BTBD9: variants seen among roughly 807,000 people sequenced by gnomAD.
BTBD9 encodes the protein BTB/POZ domain-containing protein 9.
A neutral mutation model predicts 64.3 loss-of-function variants in BTBD9; 49 were observed. That is an observed-to-expected ratio of 0.76 (90% CI 0.61 to 0.97). BTBD9 has a LOEUF of 0.97. BTBD9 is among the 50% of genes least tolerant of loss of function. The probability of loss-of-function intolerance (pLI) is 0.00; values close to 1 mark genes in which losing one functional copy is unlikely to be tolerated. For synonymous variants in BTBD9, 260 were observed against 274.7 expected, an observed-to-expected ratio of 0.95 and a Z score of 0.53; for missense variants, 598 against 762.1, an observed-to-expected ratio of 0.78 and a Z score of 2.53.
intron 6 of BTBD9, among the ~76,000 whole-genome samples, chr6:38,573,000 CAT>C (rs970942031): frequency 1.3e-5 from 2 of 151,396 alleles, no homozygotes; most frequent in South Asian, 2.1e-4. Context: ...AGGATAATGT[CAT>C]ATATATATAT....
At chr6:38,403,042 G>GCAACA in intron 6 of BTBD9, 1 of 259,872 alleles carries the variant, frequency 3.8e-6, no homozygotes, top group Non-Finnish European at 7.6e-6. Flanking sequence ...TCCAGCCTGG[G>GCAACA]TGATAGAGTG....
intron 9 of BTBD9, among the ~76,000 whole-genome samples, chr6:38,227,780 G>C (rs1763449629): frequency 6.6e-6 from 1 of 152,234 alleles, no homozygotes; most frequent in South Asian, 2.1e-4. Context: ...CAGGGATCTT[G>C]TGCTCTGATT....
intron 10 of BTBD9, among the ~76,000 whole-genome samples, chr6:38,185,711 A>G (rs1761787163): frequency 6.6e-6 from 1 of 152,114 alleles, no homozygotes; most frequent in South Asian, 2.1e-4. Context: ...CTCAGATAAG[A>G]TTTGTCCCCT....
chr6:38,555,756 C>G (rs1325825548), intron 6 of BTBD9, among the ~76,000 whole-genome samples: 22 of 152,186 alleles, frequency 1.4e-4, no homozygotes, highest in Admixed American at 1.4e-3. Context: ...ATTCACTGGT[C>G]TCATGCTGCC....
intron 9 of BTBD9, among the ~76,000 whole-genome samples, chr6:38,229,484 T>C (rs763311619): frequency 1.2e-4 from 19 of 152,166 alleles, no homozygotes; most frequent in Non-Finnish European, 1.9e-4. Flanking sequence ...GGTCCCCCCA[T>C]GAAACAGTTT....
chr6:38,347,619 C>T (rs1385081152), intron 6 of BTBD9, among the ~76,000 whole-genome samples: 1 of 152,116 alleles, frequency 6.6e-6, no homozygotes. Flanking sequence ...CTGGACCTTC[C>T]CCATATAAAG....
intron 9 of BTBD9, among the ~76,000 whole-genome samples, chr6:38,256,033 T>C (rs992334618): frequency 3.3e-5 from 5 of 151,048 alleles, no homozygotes; most frequent in South Asian, 2.1e-4. Context: ...CAAACCTGCA[T>C]ATTGTGCACA....
intron 6 of BTBD9, among the ~76,000 whole-genome samples, chr6:38,456,076 G>A (rs947617202): frequency 6.6e-5 from 10 of 151,924 alleles, no homozygotes; most frequent in African/African-American, 1.9e-4. Flanking sequence ...CTCTGCCTCC[G>A]GGGATCAATC....
chr6:38,307,777 A>G (rs531283780), intron 7 of BTBD9, among the ~76,000 whole-genome samples: 5 of 152,342 alleles, frequency 3.3e-5, no homozygotes, highest in South Asian at 2.1e-4. Context: ...TTAGCCAGTG[A>G]TAAGAAGAGG....
At chr6:38,434,627 T>C (rs1371834737) in intron 6 of BTBD9, among the ~76,000 whole-genome samples, 1 of 151,992 alleles carries the variant, frequency 6.6e-6, no homozygotes, top group Non-Finnish European at 1.5e-5. Context: ...AGGTCACTCA[T>C]ATTTGGCTCA....
chr6:38,257,865 G>A (rs1380487705), intron 8 of BTBD9, among the ~76,000 whole-genome samples: 1 of 151,976 alleles, frequency 6.6e-6, no homozygotes, highest in African/African-American at 2.4e-5. Context: ...TACTGGAAAA[G>A]TGCTATTTTT....
intron 6 of BTBD9, among the ~76,000 whole-genome samples, chr6:38,570,119 CAG>C (rs967804748): frequency 4.6e-5 from 7 of 152,040 alleles, no homozygotes; most frequent in African/African-American, 1.2e-4. Context: ...CATTTTAAAA[CAG>C]AAAATATCCC....
At chr6:38,402,986 T>G in intron 6 of BTBD9, 1 of 605,300 alleles carries the variant, frequency 1.7e-6, no homozygotes, top group South Asian at 1.9e-5. Context: ...GGTGGGAGAA[T>G]TGCTTAAGCC....
chr6:38,411,498 A>G (rs966620253), intron 6 of BTBD9, among the ~76,000 whole-genome samples: 3 of 152,232 alleles, frequency 2.0e-5, no homozygotes, highest in African/African-American at 7.2e-5. Flanking sequence ...CCATACGGAA[A>G]AAGATAAAAT....
At chr6:38,394,241 A>G (rs1766564527) in intron 6 of BTBD9, among the ~76,000 whole-genome samples, 1 of 152,202 alleles carries the variant, frequency 6.6e-6, no homozygotes, top group African/African-American at 2.4e-5. Context: ...AAGTACTACG[A>G]AAGGAGAAAG....
At chr6:38,324,033 G>T (rs1207586377) in intron 7 of BTBD9, among the ~76,000 whole-genome samples, 2 of 152,178 alleles carry the variant, frequency 1.3e-5, no homozygotes, top group Non-Finnish European at 2.9e-5. Context: ...AGCCCAGGAG[G>T]TGGAGGCTGC....
At chr6:38,332,112 A>C (rs1455238403) in intron 7 of BTBD9, among the ~76,000 whole-genome samples, 1 of 152,172 alleles carries the variant, frequency 6.6e-6, no homozygotes, top group Non-Finnish European at 1.5e-5. Context: ...ATTTTCTGTA[A>C]GGGAATCATC....
At chr6:38,553,149 ATT>A (rs1312093436) in intron 6 of BTBD9, among the ~76,000 whole-genome samples, 1 of 151,964 alleles carries the variant, frequency 6.6e-6, no homozygotes, top group Non-Finnish European at 1.5e-5. Flanking sequence ...TGTTATTTTT[ATT>A]GTCTTTTTTT....
intron 10 of BTBD9, among the ~76,000 whole-genome samples, chr6:38,182,764 A>C (rs1761618433): frequency 1.3e-5 from 2 of 152,118 alleles, no homozygotes; most frequent in South Asian, 4.1e-4. Flanking sequence ...CACTGCTGGG[A>C]GGCTCCTGGG....
Sources: gnomAD v4.1 joint callset for allele counts (sites outside exome capture counted in the v4.1 genomes callset) on GRCh38, gnomAD v4.1.1 for gene constraint, MANE v1.5 for transcripts, NCBI Gene and HGNC (gene_info 2026-07-23, HGNC 2026-07-21) for gene names.